Variants in EPHA6 observed in about 807,000 individuals in gnomAD.
The protein encoded by EPHA6 is ephrin type-A receptor 6.
EPHA6 carries 50 observed loss-of-function variants against 112.0 expected under a neutral mutation model. The ratio of observed to expected loss-of-function variants is 0.45; its 90% CI spans 0.36 to 0.56. The LOEUF (loss-of-function observed/expected upper bound fraction) is 0.56. Ranked by LOEUF, EPHA6 falls within the 20% of genes least tolerant of loss-of-function variation. The pLI is 0.00. For synonymous variants in EPHA6, 529 were observed against 490.7 expected, an observed-to-expected ratio of 1.08 and a Z score of -1.03; for missense variants, 1,280 against 1,417.4, an observed-to-expected ratio of 0.90 and a Z score of 1.56.
intron 5 of EPHA6, among the ~76,000 whole-genome samples, chr3:97,341,326 G>A (rs138209028): frequency 5.3e-4 from 80 of 152,026 alleles, no homozygotes; most frequent in Non-Finnish European, 1.1e-3. Context: ...GGAGTCTCTT[G>A]TTATGCTATG....
chr3:97,453,203 A>G (rs1040652835), intron 7 of EPHA6, among the ~76,000 whole-genome samples: 17 of 151,668 alleles, frequency 1.1e-4, no homozygotes, highest in African/African-American at 3.4e-4. Context: ...CTGCTTAAAT[A>G]CTGAAAAAAT....
intron 11 of EPHA6, among the ~76,000 whole-genome samples, chr3:97,583,536 C>T (rs2093460354): frequency 6.8e-6 from 1 of 145,998 alleles, no homozygotes; most frequent in Non-Finnish European, 1.5e-5. Context: ...AAGACTCTGT[C>T]TCAAAAAAAA....
At chr3:97,139,845 T>C (rs2075854086) in intron 3 of EPHA6, among the ~76,000 whole-genome samples, 1 of 152,094 alleles carries the variant, frequency 6.6e-6, no homozygotes, top group Non-Finnish European at 1.5e-5. Flanking sequence ...AGTACAATTC[T>C]AAAATGACAA....
At chr3:96,952,291 A>G (rs933810225) in intron 2 of EPHA6, among the ~76,000 whole-genome samples, 2 of 152,164 alleles carry the variant, frequency 1.3e-5, no homozygotes, top group Non-Finnish European at 2.9e-5. Context: ...TCTTGTTCCC[A>G]CTGAAACTCA....
chr3:97,083,041 T>C (rs1223695040), intron 3 of EPHA6, among the ~76,000 whole-genome samples: 1 of 151,930 alleles, frequency 6.6e-6, no homozygotes, highest in East Asian at 1.9e-4. Context: ...CTTAATATTC[T>C]ATCTATAACT....
intron 3 of EPHA6, among the ~76,000 whole-genome samples, chr3:97,013,034 C>G (rs968444705): frequency 3.3e-5 from 5 of 152,058 alleles, no homozygotes; most frequent in African/African-American, 9.7e-5. Flanking sequence ...TATACTCTCC[C>G]ATTCTGTAGG....
chr3:97,227,009 T>C (rs928908652), intron 4 of EPHA6, among the ~76,000 whole-genome samples: 1 of 152,196 alleles, frequency 6.6e-6, no homozygotes, highest in Non-Finnish European at 1.5e-5. Context: ...TTTTAATGCA[T>C]ACACCAAGAA....
At chr3:97,218,645 A>T (rs1559805799) in intron 3 of EPHA6, among the ~76,000 whole-genome samples, 1 of 152,148 alleles carries the variant, frequency 6.6e-6, no homozygotes. Flanking sequence ...AGGGATTATA[A>T]TTCAAGATGA....
chr3:97,032,659 A>C (rs1263763631), intron 3 of EPHA6, among the ~76,000 whole-genome samples: 1 of 151,874 alleles, frequency 6.6e-6, no homozygotes, highest in Non-Finnish European at 1.5e-5. Flanking sequence ...TGTGTGTGTA[A>C]TCGAGAATTC....
chr3:97,735,912 T>C lies in EPHA6; in HGVS notation c.2935-13T>C, dbSNP rs2035233155. 2 of 1,589,992 alleles carry C rather than the reference T, an allele frequency of 1.3e-6. No homozygotes were observed. The highest frequency in any genetic ancestry group is 1.7e-6 in the Non-Finnish European group (2 of 1,165,028). On this transcript the variant is annotated splice_polypyrimidine_tract_variant and intron_variant, in intron 15 of 17. Coordinates refer to ENST00000389672, the MANE Select transcript of EPHA6 (RefSeq NM_001080448.3). ...TAAAAATAAGAGAGTAATCTGTATA[T>C]GTTTGCATTTAGGTCATTCTGTCCA...
At chr3:97,611,663 C>T (rs1426226388) in intron 13 of EPHA6, among the ~76,000 whole-genome samples, 1 of 151,666 alleles carries the variant, frequency 6.6e-6, no homozygotes, top group Non-Finnish European at 1.5e-5. Flanking sequence ...TTTTTAATAT[C>T]TATCTATCTG....
chr3:97,015,762 C>G (rs938704258), intron 3 of EPHA6, among the ~76,000 whole-genome samples: 7 of 152,100 alleles, frequency 4.6e-5, no homozygotes, highest in Non-Finnish European at 7.4e-5. Context: ...CAGCTCCCCA[C>G]ATATTTGACA....
intron 6 of EPHA6, among the ~76,000 whole-genome samples, chr3:97,410,666 A>T (rs892510556): frequency 6.6e-6 from 1 of 152,096 alleles, no homozygotes; most frequent in Non-Finnish European, 1.5e-5. Context: ...TCTTGCTGAA[A>T]TGCAGATTGT....
chr3:96,892,481 C>A (rs1415990461), intron 2 of EPHA6, among the ~76,000 whole-genome samples: 2 of 152,136 alleles, frequency 1.3e-5, no homozygotes, highest in African/African-American at 2.4e-5. Flanking sequence ...CCTCAGCCCC[C>A]AAAGTGCTGG....
intron 3 of EPHA6, among the ~76,000 whole-genome samples, chr3:97,195,608 T>C (rs1200852328): frequency 6.6e-6 from 1 of 152,092 alleles, no homozygotes; most frequent in African/African-American, 2.4e-5. Flanking sequence ...AGATGATTGT[T>C]GCTTGTTAAC....
intron 14 of EPHA6, chr3:97,646,363 A>G: frequency 8.4e-7 from 1 of 1,191,364 alleles, no homozygotes; most frequent in Non-Finnish European, 1.1e-6. Context: ...TATATAAGAC[A>G]GTATTGTCCA....
At chr3:97,312,749 T>G (rs76108077) in intron 5 of EPHA6, among the ~76,000 whole-genome samples, 4,024 of 148,990 alleles carry the variant, frequency 0.027, 169 homozygotes, top group African/African-American at 0.095. Context: ...ATTATACAAG[T>G]TTTTTTTTCT....
chr3:96,817,571 A>G (rs2032899269), intron 1 of EPHA6, among the ~76,000 whole-genome samples: 1 of 151,988 alleles, frequency 6.6e-6, no homozygotes, highest in Non-Finnish European at 1.5e-5. Context: ...TTCACTTTAA[A>G]GGCTAATGGA....
intron 8 of EPHA6, among the ~76,000 whole-genome samples, chr3:97,478,749 G>A (rs896624004): frequency 6.6e-5 from 10 of 152,104 alleles, no homozygotes; most frequent in East Asian, 1.9e-4. Flanking sequence ...TAACACAGAC[G>A]TACTTTGTTT....
Sources: gnomAD v4.1 joint callset for allele counts (sites outside exome capture counted in the v4.1 genomes callset) on GRCh38, gnomAD v4.1.1 for gene constraint, MANE v1.5 for transcripts, NCBI Gene and HGNC (gene_info 2026-07-23, HGNC 2026-07-21) for gene names.